MCM3AP: variants seen among roughly 807,000 people sequenced by gnomAD.
MCM3AP encodes the protein minichromosome maintenance complex component 3 associated protein, also known as germinal-center associated nuclear protein.
A neutral mutation model predicts 184.1 loss-of-function variants in MCM3AP; 126 were observed. The observed-to-expected ratio is 0.68, with a 90% CI of 0.59 to 0.79. The LOEUF is 0.79. Ranked by LOEUF, MCM3AP falls within the 30% of genes least tolerant of loss-of-function variation. The probability of loss-of-function intolerance (pLI) is 0.00; values close to 1 mark genes in which losing one functional copy is unlikely to be tolerated. For synonymous variants in MCM3AP, 1,002 were observed against 979.3 expected (o/e 1.02, Z -0.43); for missense variants, 2,496 against 2,479.2 (o/e 1.01, Z -0.14).
intron 9 of MCM3AP, 164 bp from the exon 10 acceptor site, chr21:46,267,306 A>G (rs990635526): frequency 1.6e-6 from 1 of 633,136 alleles, no homozygotes; most frequent in Non-Finnish European, 2.8e-6. Flanking sequence ...CTTAGAGATC[A>G]TAGGCGGTCT....
chr21:46,275,084 C>CCCA, intron 6 of MCM3AP, 102 bp downstream of exon 6: 1 of 1,326,968 alleles, frequency 7.5e-7, no homozygotes, highest in Non-Finnish European at 1.0e-6. Context: ...AGCACAAATA[C>CCCA]CCAACACTGT....
intron 12 of MCM3AP, among the ~76,000 whole-genome samples, chr21:46,265,031 CA>C (rs1176657355): frequency 6.6e-5 from 10 of 152,382 alleles, no homozygotes; most frequent in Admixed American, 3.9e-4. Flanking sequence ...TCACACCCAT[CA>C]GGGGGCGCAC....
At chr21:46,246,463 A>AT in intron 21 of MCM3AP, 59 bp from the exon 22 acceptor site, 1 of 1,361,086 alleles carries the variant, frequency 7.3e-7, no homozygotes, top group Non-Finnish European at 1.1e-6. Context: ...ACCTGCTAAC[A>AT]TATCTCACTG....
intron 13 of MCM3AP, among the ~76,000 whole-genome samples, chr21:46,261,938 A>G (rs2145666704): frequency 6.6e-6 from 1 of 152,202 alleles, no homozygotes; most frequent in East Asian, 1.9e-4. Context: ...TCAGATTTTT[A>G]GGTAAGAGAT....
intron 2 of MCM3AP, among the ~76,000 whole-genome samples, chr21:46,281,172 G>A (rs907844545): frequency 6.6e-6 from 1 of 152,168 alleles, no homozygotes; most frequent in Non-Finnish European, 1.5e-5. Flanking sequence ...CATTTGGTGA[G>A]ATGATTCTCA....
intron 20 of MCM3AP, chr21:46,251,018 C>T (rs1257898321): frequency 6.6e-6 from 1 of 152,164 alleles, no homozygotes; most frequent in Admixed American, 6.6e-5. Flanking sequence ...TTTTAAATCA[C>T]GTGGGTGGCA....
At position 46,260,873 on chromosome 21, in the gene MCM3AP, C is replaced by G. The variant is rs527406097; in HGVS notation, c.3501G>C (p.Glu1167Asp). ...LKQERELVLS[E>D]LSQGLAVELM... ...GCTCCACGGCCAGGCCCTGGCTCAG[C>G]TCACTTAACACCAGCTCTCTCTCTT... Residue 1167 changes from glutamate to aspartate, a missense_variant, in exon 15 of 28, where the codon GAG (glutamate) becomes GAC (aspartate). Glu to Asp is a conservative substitution (Grantham distance 45, BLOSUM62 2). Transcript: ENST00000291688. 5 of 1,614,028 alleles carry G rather than the reference C, an allele frequency of 3.1e-6. No homozygotes were observed. In the Admixed American group the frequency reaches 8.3e-5, roughly 27 times the overall value.
chr21:46,257,904 G>A (rs1256972446), intron 16 of MCM3AP, among the ~76,000 whole-genome samples: 9 of 135,904 alleles, frequency 6.6e-5, no homozygotes, highest in East Asian at 2.1e-4. Flanking sequence ...CAGCCTGGGC[G>A]ACAGAGTGAG....
chr21:46,255,501 G>A (rs1441548212), intron 17 of MCM3AP, among the ~76,000 whole-genome samples: 1 of 152,164 alleles, frequency 6.6e-6, no homozygotes, highest in Non-Finnish European at 1.5e-5. Context: ...ACATTCCAGT[G>A]AGGTGGAGAG....
At chr21:46,279,342 G>A (rs183777916) in intron 4 of MCM3AP, among the ~76,000 whole-genome samples, 37 of 152,328 alleles carry the variant, frequency 2.4e-4, no homozygotes, top group African/African-American at 8.9e-4. Context: ...GAGGTAAAAA[G>A]TTATTGCTTA....
chr21:46,244,376 A>C (rs773244459), intron 23 of MCM3AP, among the ~76,000 whole-genome samples: 32 of 152,176 alleles, frequency 2.1e-4, no homozygotes, highest in Admixed American at 6.6e-4. Flanking sequence ...CCTCTTTGAC[A>C]AAGAAAGAAT....
At chr21:46,257,881 C>T (rs552911608) in intron 16 of MCM3AP, among the ~76,000 whole-genome samples, 16 of 149,334 alleles carry the variant, frequency 1.1e-4, no homozygotes, top group African/African-American at 1.7e-4. Context: ...GCTGTGATTG[C>T]GCCACTGCAC....
rs372691603 is a variant in MCM3AP, at chr21:46,261,418, G to A, written c.3336-7C>T. The stretch of plus-strand genomic sequence containing the variant: ...CATAGCAGCATTAGAAACACTAAAC[G>A]GAGCAAAGGGGATAGCATTCAAAAT... On this transcript the variant is annotated splice_polypyrimidine_tract_variant and splice_region_variant and intron_variant, in intron 13 of 27. Coordinates refer to ENST00000291688, the MANE Select transcript of MCM3AP (RefSeq NM_003906.5). The A allele has an allele frequency of 1.3e-5, 21 of 1,613,300 alleles. No homozygotes were observed. The highest frequency in any genetic ancestry group is 6.7e-5 in the East Asian group (3 of 44,870).
In MCM3AP at chr21:46,267,133, C is replaced by G. The variant is rs573579844; in HGVS notation, c.2638G>C (p.Asp880His). 1 of 1,613,536 alleles carries G rather than the reference C, an allele frequency of 6.2e-7. No individual in the cohort carries two copies. Among genetic ancestry groups the G allele is most frequent in the East Asian group, 2.2e-5 (1 of 44,858 alleles). ...GCAAAGTTGAGCGCCCGGAGAGCAT[C>G]CTTGCGGATCTGAGAGGAGGAGCGA... ...LHCYFSQIRK[D>H]ALRALNFAYT... is the part of the protein sequence containing the mutation. The change falls in exon 10 of 28, where the codon GAT (aspartate) becomes CAT (histidine). Residue 880 changes from aspartate (D) to histidine (H), a missense_variant. Asp to His is a moderately conservative substitution (Grantham distance 81). Around this residue, in one of 5 missense-constraint regions of MCM3AP, gnomAD observed 138 missense variants for 191.9 expected, o/e 0.72. Transcript: ENST00000291688.
intron 17 of MCM3AP, among the ~76,000 whole-genome samples, chr21:46,255,360 G>T (rs1237002434): frequency 1.3e-5 from 2 of 152,162 alleles, no homozygotes; most frequent in Non-Finnish European, 2.9e-5. Context: ...ACAATGCAGA[G>T]ACTCGGGGAG....
Position 46,236,714 on chromosome 21 carries a change from A to G in MCM3AP, c.5784+115T>C, listed in dbSNP as rs2080532345. The G allele has an allele frequency of 5.7e-6, 4 of 706,876 alleles. No homozygotes were observed. The South Asian group carries it at 8.0e-5, about 14-fold the overall frequency. The allele number at this position is 706,876 out of a possible 1,614,324, so 43.8% of individuals were successfully genotyped here. A position where few individuals can be genotyped will look rare whatever the true frequency, so the allele number is the denominator to read the frequency against. On this transcript the variant is annotated intron_variant, in intron 27 of 27. Coordinates refer to ENST00000291688, the MANE Select transcript of MCM3AP (RefSeq NM_003906.5). ...TTAAGAAAAGGTCTAATTTGAGCTAATAATTTGTCGGTCATCAAAACATCA... is the reference window on the plus strand; with the variant it reads ...TTAAGAAAAGGTCTAATTTGAGCTAGTAATTTGTCGGTCATCAAAACATCA...
At chr21:46,268,042 C>T (rs1030072777) in intron 9 of MCM3AP, 1 of 151,610 alleles carries the variant, frequency 6.6e-6, no homozygotes, top group African/African-American at 2.4e-5. Flanking sequence ...ACTAAAAATA[C>T]AAAAATTAGC....
chr21:46,279,974 T>TA lies in MCM3AP; in HGVS notation c.1667+18dup, dbSNP rs774015367. 1.2e-6 allele frequency: 2 copies of TA among 1,604,538 alleles called. No homozygotes were observed. Among genetic ancestry groups the TA allele is most frequent in the East Asian group, 4.5e-5 (2 of 44,722 alleles). ...CCTGGTCCTTCCGGAATAAGGTCATTAGGAGGGACCGATCCCACCTTTTAT... is the reference window on the plus strand; with the variant it reads ...CCTGGTCCTTCCGGAATAAGGTCATTAAGGAGGGACCGATCCCACCTTTTAT... On this transcript the variant is annotated intron_variant, in intron 4 of 27. Transcript: ENST00000291688.
upstream of MCM3AP, chr21:46,286,205 T>A (rs2081423661): frequency 6.6e-6 from 1 of 152,186 alleles, no homozygotes; most frequent in Non-Finnish European, 1.5e-5. Context: ...TCGGAAAGAC[T>A]TGAGGCGCAA....
Sources: allele counts gnomAD v4.1 joint callset (sites outside exome capture counted in the v4.1 genomes callset), GRCh38; gene constraint gnomAD v4.1.1; regional missense constraint gnomAD v4.1.1; transcripts MANE v1.5; gene names NCBI Gene and HGNC (gene_info 2026-07-23, HGNC 2026-07-21).